SEMA5B: variants seen among roughly 807,000 people sequenced by gnomAD.
The protein encoded by SEMA5B is semaphorin 5B.
In SEMA5B, 66 loss-of-function variants were observed where a neutral mutation model predicts 135.0. That is an observed-to-expected ratio of 0.49 (90% CI 0.40 to 0.60). SEMA5B has a LOEUF of 0.60. Ranked by LOEUF, SEMA5B falls within the 20% of genes least tolerant of loss-of-function variation. The pLI is 0.00. For missense variants in SEMA5B, 1,501 were observed against 1,566.3 expected, an observed-to-expected ratio of 0.96 and a Z score of 0.70; for synonymous variants, 690 against 639.5, an observed-to-expected ratio of 1.08 and a Z score of -1.19.
chr3:122,953,538 TG>T (rs1238317801), intron 2 of SEMA5B, among the ~76,000 whole-genome samples: 2 of 152,190 alleles, frequency 1.3e-5, no homozygotes, highest in Non-Finnish European at 2.9e-5. Context: ...GTCTGTCTGC[TG>T]TTTCAGGAGA....
intron 4 of SEMA5B, among the ~76,000 whole-genome samples, chr3:122,940,135 G>A (rs1939489325): frequency 6.6e-6 from 1 of 152,036 alleles, no homozygotes. Context: ...GCCTGCACAG[G>A]GCTTCCAGAC....
chr3:122,923,881 G>C, intron 9 of SEMA5B, 129 bp from the exon 10 acceptor site: 2 of 723,248 alleles, frequency 2.8e-6, no homozygotes, highest in South Asian at 3.7e-5. Context: ...TCTGGCACAT[G>C]GGGGGATCTC....
chr3:122,963,685 C>T (rs9851387), intron 1 of SEMA5B, among the ~76,000 whole-genome samples: 2,250 of 152,186 alleles, frequency 0.015, 54 homozygotes, highest in African/African-American at 0.052. Context: ...ACAGAGAACA[C>T]GGGGCATCGG....
At chr3:122,933,229 T>G (rs534872042) in intron 5 of SEMA5B, among the ~76,000 whole-genome samples, 12 of 152,186 alleles carry the variant, frequency 7.9e-5, no homozygotes, top group Non-Finnish European at 1.3e-4. Context: ...TCGCTTATTT[T>G]GGTGGAACAC....
At chr3:122,969,689 C>T (rs945672327) in intron 1 of SEMA5B, among the ~76,000 whole-genome samples, 1 of 152,190 alleles carries the variant, frequency 6.6e-6, no homozygotes, top group Non-Finnish European at 1.5e-5. Context: ...CTCACTGCTG[C>T]GGGTGTTGAA....
At chr3:122,992,564 T>C (rs73856796) in intron 1 of SEMA5B, among the ~76,000 whole-genome samples, 267 of 152,298 alleles carry the variant, frequency 1.8e-3, no homozygotes, top group African/African-American at 6.0e-3. Context: ...CAGGGTCTCC[T>C]GACTCCTGAG....
intron 1 of SEMA5B, among the ~76,000 whole-genome samples, chr3:123,023,472 A>G (rs966250813): frequency 6.6e-6 from 1 of 152,208 alleles, no homozygotes; most frequent in Non-Finnish European, 1.5e-5. Context: ...GCACTTGTGC[A>G]TCCCCAGAGC....
chr3:122,988,961 A>T (rs1186586775), intron 1 of SEMA5B, among the ~76,000 whole-genome samples: 2 of 152,218 alleles, frequency 1.3e-5, no homozygotes, highest in African/African-American at 4.8e-5. Flanking sequence ...CCATCAGTGT[A>T]CTTAAGAGGA....
At chr3:122,966,568 T>TATTATTA (rs57336823) in intron 1 of SEMA5B, among the ~76,000 whole-genome samples, 1 of 145,528 alleles carries the variant, frequency 6.9e-6, no homozygotes, top group African/African-American at 2.6e-5. Context: ...TTATTATTAT[T>TATTATTA]TTTTGAGACG....
chr3:122,939,524 C>T (rs1431745425), intron 4 of SEMA5B, 54 bp from the exon 5 acceptor site: 12 of 1,442,216 alleles, frequency 8.3e-6, no homozygotes, highest in Middle Eastern at 1.7e-4. Flanking sequence ...AGGCAGGACC[C>T]AGGGAGCAGC....
At chr3:123,023,322 G>GCACA (rs3080430) in intron 1 of SEMA5B, among the ~76,000 whole-genome samples, 8,810 of 143,962 alleles carry the variant, frequency 0.061, 302 homozygotes, top group Non-Finnish European at 0.081. Context: ...ACTATTTCCA[G>GCACA]CACACACACA....
intron 1 of SEMA5B, among the ~76,000 whole-genome samples, chr3:122,990,005 G>A (rs935620616): frequency 6.6e-5 from 10 of 152,182 alleles, no homozygotes; most frequent in Non-Finnish European, 1.5e-4. Flanking sequence ...TTCTTTAGAT[G>A]CTGTTTAGAG....
At chr3:122,927,743 G>T (rs752509847) in intron 8 of SEMA5B, 47 bp downstream of exon 8, 341 of 1,330,530 alleles carry the variant, frequency 2.6e-4, no homozygotes, top group Middle Eastern at 2.0e-3. Flanking sequence ...GGGCTGGTGG[G>T]CTCAAAACCA....
intron 1 of SEMA5B, among the ~76,000 whole-genome samples, chr3:122,966,616 G>A (rs185018646): frequency 0.021 from 3,149 of 149,918 alleles, 127 homozygotes; most frequent in African/African-American, 0.073. Context: ...GTGCAGTGGC[G>A]TGATCTCAGC....
At chr3:122,910,809 CAAAAAAA>C in intron 22 of SEMA5B, 24 bp downstream of exon 22, 11 of 1,247,420 alleles carry the variant, frequency 8.8e-6, no homozygotes, top group Middle Eastern at 2.9e-4. Context: ...GACTCCGTCT[CAAAAAAA>C]AAAAAAAAAA....
At chr3:122,980,845 G>T (rs1941501308) in intron 1 of SEMA5B, among the ~76,000 whole-genome samples, 1 of 152,110 alleles carries the variant, frequency 6.6e-6, no homozygotes, top group Admixed American at 6.5e-5. Context: ...GCTCCTGAGA[G>T]CCACCATTTC....
chr3:122,943,210 G>T (rs1422038019), intron 4 of SEMA5B, among the ~76,000 whole-genome samples: 1 of 152,156 alleles, frequency 6.6e-6, no homozygotes, highest in Non-Finnish European at 1.5e-5. Context: ...CAACCACAGG[G>T]GCCTGCAGCT....
At chr3:122,910,409 G>A in intron 22 of SEMA5B, 108 bp from the exon 23 acceptor site, 1 of 1,171,870 alleles carries the variant, frequency 8.5e-7, no homozygotes, top group South Asian at 1.4e-5. Context: ...CACTCAGACT[G>A]CGGATCCAGT....
At position 122,943,203 on chromosome 3, in the gene SEMA5B, C is replaced by T. The variant is rs367796097; in HGVS notation, c.428+233G>A. Among the ~76,000 whole-genome samples, 5 of 152,164 alleles carry T rather than the reference C, an allele frequency of 3.3e-5. No individual in the cohort carries two copies. In the East Asian group the frequency reaches 9.7e-4, roughly 29 times the overall value. On this transcript the variant is annotated intron_variant, in intron 4 of 22. Coordinates refer to ENST00000357599, the MANE Select transcript of SEMA5B (RefSeq NM_001031702.4). ...CGTCCCTGCTCTCACTAACTGCCAA[C>T]CACAGGGGCCTGCAGCTGGCTGAGA...
Sources: gnomAD v4.1 joint callset for allele counts (sites outside exome capture counted in the v4.1 genomes callset) on GRCh38, gnomAD v4.1.1 for gene constraint, MANE v1.5 for transcripts, NCBI Gene and HGNC (gene_info 2026-07-23, HGNC 2026-07-21) for gene names.